EIF4E3: variants seen among roughly 807,000 people sequenced by gnomAD.
EIF4E3 encodes the protein eukaryotic translation initiation factor 4E type 3.
A neutral mutation model predicts 31.7 loss-of-function variants in EIF4E3; 26 were observed. The observed-to-expected ratio is 0.82, with a 90% confidence interval of 0.60 to 1.14. The LOEUF (loss-of-function observed/expected upper bound fraction) is 1.14. Among genes scored for constraint, EIF4E3 ranks in the 50% most tolerant of loss-of-function variants. The probability of loss-of-function intolerance (pLI) is 0.00; values close to 1 mark genes in which losing one functional copy is unlikely to be tolerated. For synonymous variants in EIF4E3, 128 were observed against 107.7 expected (o/e 1.19, Z -1.17); for missense variants, 304 against 270.9 (o/e 1.12, Z -0.86).
chr3:71,733,114 G>C (rs887242865), intron 1 of EIF4E3, among the ~76,000 whole-genome samples: 2 of 152,186 alleles, frequency 1.3e-5, no homozygotes, highest in South Asian at 4.1e-4. Context: ...GTGAACAACT[G>C]TCCCAATTTG....
upstream of EIF4E3, chr3:71,754,666 T>A (rs753034149): frequency 2.7e-6 from 4 of 1,501,134 alleles, no homozygotes; most frequent in South Asian, 4.8e-5. This position sits in a 1 kb window ranked among gnomAD's most constrained non-coding sequence, Gnocchi z 5.8. Flanking sequence ...CGCCTGCTCT[T>A]CTTCATCCAC....
In EIF4E3 at chr3:71,720,559, G is replaced by A. The variant is rs183297764; in HGVS notation, c.176+4633C>T. 7.2e-3 allele frequency among the ~76,000 whole-genome samples: 1,103 copies of A among 152,256 alleles called. 7 individuals carry two copies. Among genetic ancestry groups the A allele is most frequent in the Non-Finnish European group, 9.3e-3 (634 of 68,024 alleles). ...ACCTCTCAAAGCTGCTCTGGTAGAC[G>A]TAGTGGTGGAGATCCAGAATCCCTA... On this transcript the variant is annotated intron_variant, in intron 1 of 6. Coordinates refer to ENST00000425534, the MANE Select transcript of EIF4E3 (RefSeq NM_001134651.2).
At chr3:71,740,862 C>A (rs1272427257) in intron 1 of EIF4E3, among the ~76,000 whole-genome samples, 1 of 152,192 alleles carries the variant, frequency 6.6e-6, no homozygotes, top group African/African-American at 2.4e-5. Context: ...CCCAGCCGGC[C>A]GCGGTGGCTC....
chr3:71,673,235 G>A (rs2048855783), downstream of EIF4E3, among the ~76,000 whole-genome samples: 1 of 152,128 alleles, frequency 6.6e-6, no homozygotes, highest in African/African-American at 2.4e-5. Context: ...GAGTTACAGG[G>A]CTTTTAAAAA....
intron 1 of EIF4E3, among the ~76,000 whole-genome samples, chr3:71,737,857 A>G (rs957061122): frequency 3.3e-5 from 5 of 152,168 alleles, no homozygotes; most frequent in African/African-American, 1.2e-4. Context: ...TAACAGAACA[A>G]TCTCTTTAAA....
chr3:71,737,495 G>A (rs1470689823), intron 1 of EIF4E3, among the ~76,000 whole-genome samples: 2 of 152,014 alleles, frequency 1.3e-5, no homozygotes, highest in Non-Finnish European at 2.9e-5. Context: ...CTGCTTAAGA[G>A]GAATAAACCC....
chr3:71,724,037 T>G (rs1025453013), intron 1 of EIF4E3, among the ~76,000 whole-genome samples: 5 of 152,228 alleles, frequency 3.3e-5, no homozygotes, highest in African/African-American at 1.2e-4. Context: ...AGTCATTTTA[T>G]GCAAAGCCTT....
chr3:71,704,686 G>C (rs2049265739), intron 2 of EIF4E3, among the ~76,000 whole-genome samples: 1 of 152,224 alleles, frequency 6.6e-6, no homozygotes, highest in African/African-American at 2.4e-5. Flanking sequence ...CATGGCCCAA[G>C]GTCAGGAGGG....
Position 71,725,387 on chromosome 3 carries a change from A to C in EIF4E3, c.-20T>G, listed in dbSNP as rs1227945095. 4.1e-6 allele frequency: 4 copies of C among 975,250 alleles called. No individual in the cohort carries two copies. The highest frequency in any genetic ancestry group is 4.8e-6 in the Non-Finnish European group (4 of 825,472). The allele number at this position is 975,250 out of a possible 1,614,324, so 60.4% of individuals were successfully genotyped here. A position where few individuals can be genotyped will look rare whatever the true frequency, so the allele number is the denominator to read the frequency against. On this transcript the variant is annotated 5_prime_UTR_variant, in exon 1 of 7. Coordinates refer to ENST00000425534, the MANE Select transcript of EIF4E3 (RefSeq NM_001134651.2). The surrounding 1 kb of genome is among the most constrained non-coding windows in gnomAD (Gnocchi z 6.1). ...CGCCATTTTCTCCGCCCCGCCTGCA[A>C]GGCCGGCGGACGCGCGGACCGCGGG...
chr3:71,739,037 C>A (rs1017954869), intron 1 of EIF4E3, among the ~76,000 whole-genome samples: 2 of 127,120 alleles, frequency 1.6e-5, no homozygotes, highest in Admixed American at 7.7e-5. Flanking sequence ...AAAGAAAATT[C>A]AAAGATACAT....
At chr3:71,670,362 C>T in the EIF4E3 span, among the ~76,000 whole-genome samples, 9 of 151,996 alleles carry the variant, frequency 5.9e-5, no homozygotes, top group African/African-American at 1.9e-4. Flanking sequence ...TTTCTTTTGC[C>T]CCTCCTTTTT....
At chr3:71,666,259 G>T in the EIF4E3 span, among the ~76,000 whole-genome samples, 4 of 152,012 alleles carry the variant, frequency 2.6e-5, no homozygotes, top group East Asian at 3.9e-4. Flanking sequence ...ATGGTAAAGG[G>T]TATATCACCA....
intron 1 of EIF4E3, among the ~76,000 whole-genome samples, chr3:71,721,575 T>C (rs1000166597): frequency 6.6e-6 from 1 of 152,082 alleles, no homozygotes; most frequent in African/African-American, 2.4e-5. Flanking sequence ...GCTTCCCCCA[T>C]GCTGTTTTCG....
At chr3:71,703,092 T>C (rs2049240696) in intron 2 of EIF4E3, among the ~76,000 whole-genome samples, 1 of 152,262 alleles carries the variant, frequency 6.6e-6, no homozygotes, top group Admixed American at 6.5e-5. Flanking sequence ...TTATTAATGA[T>C]GGTTAAATGC....
At chr3:71,703,764 T>C (rs1578351509) in intron 2 of EIF4E3, among the ~76,000 whole-genome samples, 1 of 148,022 alleles carries the variant, frequency 6.8e-6, no homozygotes, top group South Asian at 2.1e-4. Context: ...GTGATATGTC[T>C]GTTTTGTAAA....
upstream of EIF4E3, among the ~76,000 whole-genome samples, chr3:71,725,558 G>T (rs1206755407): frequency 1.3e-4 from 20 of 150,924 alleles, no homozygotes; most frequent in African/African-American, 4.9e-4. This position sits in a 1 kb window ranked among gnomAD's most constrained non-coding sequence, Gnocchi z 6.1. Flanking sequence ...TGGGAGGCAC[G>T]GCCGGGCCGG....
rs1334703122 is a variant in EIF4E3 at position 71,679,831 on chromosome 3, T to C, written c.*4851A>G. 2.6e-5 allele frequency: 4 copies of C among 152,344 alleles called. No homozygotes were observed. The East Asian group carries it at 7.7e-4, about 29-fold the overall frequency. The allele number at this position is 152,344 out of a possible 1,614,324, so 9.4% of individuals were successfully genotyped here. On this transcript the variant is annotated 3_prime_UTR_variant, in exon 7 of 7. Coordinates refer to ENST00000425534, the MANE Select transcript of EIF4E3 (RefSeq NM_001134651.2). ...TCATTTGAACAGTTTTGTGTTATTT[T>C]ACATGCAATTTTATAGCTCTATAAC...
chr3:71,686,425 T>C (rs1300866503), intron 6 of EIF4E3, among the ~76,000 whole-genome samples: 4 of 152,094 alleles, frequency 2.6e-5, no homozygotes, highest in African/African-American at 7.2e-5. Flanking sequence ...CTGGGAGAGA[T>C]GCACTTTATA....
chr3:71,662,487 A>G, the EIF4E3 span, among the ~76,000 whole-genome samples: 1 of 152,270 alleles, frequency 6.6e-6, no homozygotes, highest in East Asian at 1.9e-4. Flanking sequence ...AGATACACTT[A>G]TATGCGAAAA....
Sources: gnomAD v4.1 joint callset for allele counts (sites outside exome capture counted in the v4.1 genomes callset) on GRCh38, gnomAD v4.1.1 for gene constraint, Gnocchi (gnomAD v3.1) non-coding constraint, MANE v1.5 for transcripts, NCBI Gene and HGNC (gene_info 2026-07-23, HGNC 2026-07-21) for gene names.